The following APLP2 variants were observed in gnomAD, a reference collection of about 807,000 sequenced individuals.
The protein encoded by APLP2 is amyloid beta precursor like protein 2.
Under a neutral mutation model 89.9 loss-of-function variants are expected in APLP2, and 53 were observed. The observed-to-expected ratio is 0.59, with a 90% CI of 0.47 to 0.74. APLP2 has a LOEUF of 0.74. Ranked by LOEUF, APLP2 falls within the 30% of genes least tolerant of loss-of-function variation. APLP2 has a pLI of 0.00. For synonymous variants in APLP2, 372 were observed against 348.6 expected (o/e 1.07, Z -0.75); for missense variants, 973 against 975.9 (o/e 1.00, Z 0.04).
intron 3 of APLP2, among the ~76,000 whole-genome samples, chr11:130,114,864 G>A (rs530818920): frequency 2.1e-4 from 32 of 152,214 alleles, no homozygotes; most frequent in African/African-American, 6.5e-4. Flanking sequence ...CAGCTTTGAG[G>A]TGCTGTCTTC....
At chr11:130,107,468 C>T (rs1342795415) in intron 1 of APLP2, among the ~76,000 whole-genome samples, 1 of 152,134 alleles carries the variant, frequency 6.6e-6, no homozygotes, top group Non-Finnish European at 1.5e-5. Context: ...TTCACAATTG[C>T]TTCAAAGAGA....
At chr11:130,080,817 C>G (rs1943017032) in intron 1 of APLP2, among the ~76,000 whole-genome samples, 3 of 151,486 alleles carry the variant, frequency 2.0e-5, no homozygotes, top group Non-Finnish European at 4.4e-5. Flanking sequence ...CTGACTCAGC[C>G]TCCCAAGTAG....
Position 130,120,821 on chromosome 11 carries a change from AAG to A in APLP2, c.516+7_516+8del. On this transcript the variant is annotated splice_donor_5th_base_variant and intron_variant, in intron 4 of 16. Coordinates refer to ENST00000338167, the MANE Select transcript of APLP2 (RefSeq NM_001142276.2). ...ACTGGCACACGGTAGTCAAAGAGGT[AAG>A]AGAACTCGGGGGGAAAGTCAGCTGC... The A allele has an allele frequency of 1.2e-6, 2 of 1,608,084 alleles. No individual in the cohort carries two copies. The highest frequency in any genetic ancestry group is 1.7e-6 in the Non-Finnish European group (2 of 1,174,826).
chr11:130,079,348 C>G (rs1271505581), intron 1 of APLP2, among the ~76,000 whole-genome samples: 3 of 152,146 alleles, frequency 2.0e-5, no homozygotes, highest in Non-Finnish European at 2.9e-5. Context: ...ATCCTCCCGC[C>G]TTGGCCTACC....
chr11:130,081,292 T>G (rs1445854892), intron 1 of APLP2, among the ~76,000 whole-genome samples: 1 of 152,216 alleles, frequency 6.6e-6, no homozygotes, highest in Non-Finnish European at 1.5e-5. Context: ...CATTCATCCC[T>G]CTAAATAGGT....
At chr11:130,108,127 G>C (rs965456635) in intron 1 of APLP2, among the ~76,000 whole-genome samples, 4 of 152,126 alleles carry the variant, frequency 2.6e-5, no homozygotes, top group African/African-American at 9.7e-5. Context: ...AGAAAACCTA[G>C]GCAATACCAT....
chr11:130,075,935 T>C (rs182493542), intron 1 of APLP2, among the ~76,000 whole-genome samples: 3 of 152,358 alleles, frequency 2.0e-5, no homozygotes, highest in Admixed American at 6.5e-5. Context: ...TTATGAACCA[T>C]TGTAAACCAT....
At chr11:130,080,370 A>G (rs1416561162) in intron 1 of APLP2, among the ~76,000 whole-genome samples, 2 of 151,806 alleles carry the variant, frequency 1.3e-5, no homozygotes, top group Non-Finnish European at 2.9e-5. Context: ...ATGCCTGGCT[A>G]ATTTTTGTAT....
At position 130,121,731 on chromosome 11, in the gene APLP2, G is replaced by A; in HGVS notation, c.634G>A (p.Val212Met). 1 of 1,613,946 alleles carries A rather than the reference G, an allele frequency of 6.2e-7. No individual in the cohort carries two copies. Among genetic ancestry groups the A allele is most frequent in the Non-Finnish European group, 8.5e-7 (1 of 1,180,008 alleles). ...CCPQTKIIGSVSKEEEEEDEE... is the reference protein window; with the variant it reads ...CCPQTKIIGSMSKEEEEEDEE... ...CCCTCAGACAAAGATTATTGGATCT[G>A]TGTCAAAAGAAGAGGAAGAGGAAGA... The change falls in exon 5 of 17, where the codon GTG (valine) becomes ATG (methionine). Residue 212 changes from valine to methionine, a missense_variant. Physicochemically the swap from Val to Met is conservative, Grantham distance 21 (BLOSUM62 1). Coordinates refer to ENST00000338167, the MANE Select transcript of APLP2 (RefSeq NM_001142276.2).
chr11:130,118,127 A>G (rs1168429788), intron 3 of APLP2, among the ~76,000 whole-genome samples: 3 of 152,106 alleles, frequency 2.0e-5, no homozygotes, highest in Non-Finnish European at 4.4e-5. Context: ...ATAGATTAGT[A>G]GTGAAATTGC....
At chr11:130,104,936 G>A (rs530234844) in intron 1 of APLP2, among the ~76,000 whole-genome samples, 1 of 152,314 alleles carries the variant, frequency 6.6e-6, no homozygotes, top group Admixed American at 6.5e-5. Context: ...CTAGTAGAAA[G>A]CAGGTTCATT....
intron 1 of APLP2, among the ~76,000 whole-genome samples, chr11:130,106,980 C>T (rs1947872650): frequency 6.6e-6 from 1 of 152,178 alleles, no homozygotes; most frequent in Non-Finnish European, 1.5e-5. Context: ...AGCCACCGCG[C>T]CCGGCCCAGA....
intron 11 of APLP2, among the ~76,000 whole-genome samples, chr11:130,130,983 C>T (rs979623803): frequency 6.6e-6 from 1 of 152,248 alleles, no homozygotes; most frequent in Admixed American, 6.5e-5. Flanking sequence ...GGGGGTCTGT[C>T]TCAGTGCCAG....
intron 1 of APLP2, among the ~76,000 whole-genome samples, chr11:130,096,114 C>T (rs926629352): frequency 2.0e-4 from 30 of 152,158 alleles, no homozygotes; most frequent in African/African-American, 7.2e-4. Context: ...ACCACACTTG[C>T]TTGGGAACAG....
chr11:130,137,809 A>G (rs950984159), intron 13 of APLP2, among the ~76,000 whole-genome samples: 6 of 152,188 alleles, frequency 3.9e-5, no homozygotes, highest in South Asian at 2.1e-4. Flanking sequence ...TCGGAAGCCA[A>G]TGGATCAAAC....
At position 130,102,264 on chromosome 11, in the gene APLP2, A is replaced by G. The variant is rs146016479; in HGVS notation, c.106-7165A>G. Among the ~76,000 whole-genome samples the G allele has an allele frequency of 7.7e-3, 1,178 of 152,236 alleles. 5 individuals carry two copies. The highest frequency in any genetic ancestry group is 0.011 in the Non-Finnish European group (766 of 68,006). ...TTTAACAGATGGTCCTTTTTTACTG[A>G]CTTTTCCTTAAAAAAGGTTTTTGAA... On this transcript the variant is annotated intron_variant, in intron 1 of 16. Coordinates refer to ENST00000338167, the MANE Select transcript of APLP2 (RefSeq NM_001142276.2).
intron 6 of APLP2, among the ~76,000 whole-genome samples, chr11:130,122,722 T>C (rs1438897559): frequency 6.6e-5 from 10 of 152,122 alleles, no homozygotes; most frequent in Non-Finnish European, 1.2e-4. Flanking sequence ...AGATGTAGGA[T>C]TGAATTAGAG....
chr11:130,099,147 C>T (rs1946586539), intron 1 of APLP2, among the ~76,000 whole-genome samples: 1 of 152,160 alleles, frequency 6.6e-6, no homozygotes, highest in African/African-American at 2.4e-5. Flanking sequence ...CCTTCCTGAC[C>T]TCTGCAGTTA....
At chr11:130,143,081 A>G (rs1591861670) in intron 16 of APLP2, among the ~76,000 whole-genome samples, 1 of 152,094 alleles carries the variant, frequency 6.6e-6, no homozygotes, top group East Asian at 1.9e-4. Context: ...GCTTGTCACC[A>G]CGGTGCTAGG....
Sources: allele counts gnomAD v4.1 joint callset (sites outside exome capture counted in the v4.1 genomes callset), GRCh38; gene constraint gnomAD v4.1.1; transcripts MANE v1.5; gene names NCBI Gene and HGNC (gene_info 2026-07-23, HGNC 2026-07-21).